The following CDS1 variants were observed in gnomAD, a reference collection of about 807,000 sequenced individuals.
The protein encoded by CDS1 is phosphatidate cytidylyltransferase 1.
A neutral mutation model predicts 62.1 loss-of-function variants in CDS1; 41 were observed. The observed-to-expected ratio is 0.66, with a 90% CI of 0.51 to 0.86. The LOEUF is 0.86. CDS1 is among the 40% of genes least tolerant of loss of function. The probability of loss-of-function intolerance (pLI) is 0.00; values close to 1 mark genes in which losing one functional copy is unlikely to be tolerated. For synonymous variants in CDS1, 185 were observed against 192.6 expected (o/e 0.96, Z 0.32); for missense variants, 470 against 550.1 (o/e 0.85, Z 1.46).
chr4:84,646,052 TGGTCTCTACTGGGG>T (rs1724549740), intron 12 of CDS1, among the ~76,000 whole-genome samples: 2 of 152,198 alleles, frequency 1.3e-5, no homozygotes, highest in South Asian at 4.1e-4. Context: ...TTATTTTCTG[TGGTCTCTACTGGGG>T]GCCCAGAAGG....
chr4:84,602,701 A>C (rs1722972997), intron 1 of CDS1, among the ~76,000 whole-genome samples: 1 of 152,218 alleles, frequency 6.6e-6, no homozygotes, highest in Non-Finnish European at 1.5e-5. Context: ...GGGAAAAGAA[A>C]AAAAAAACTG....
chr4:84,607,522 C>A (rs555578712), intron 2 of CDS1, among the ~76,000 whole-genome samples: 1 of 151,732 alleles, frequency 6.6e-6, no homozygotes, highest in African/African-American at 2.4e-5. Flanking sequence ...GGGTTTTTAC[C>A]GTGTTGCCCA....
intron 6 of CDS1, among the ~76,000 whole-genome samples, chr4:84,632,282 TTA>T (rs1724045736): frequency 6.6e-6 from 1 of 152,242 alleles, no homozygotes; most frequent in African/African-American, 2.4e-5. Context: ...AGAGCATGTA[TTA>T]TCTTGGTGGT....
intron 3 of CDS1, among the ~76,000 whole-genome samples, chr4:84,616,589 A>T (rs1029141455): frequency 6.6e-6 from 1 of 152,226 alleles, no homozygotes; most frequent in African/African-American, 2.4e-5. Flanking sequence ...AAAATATAAA[A>T]ATCCATTCTT....
intron 5 of CDS1, among the ~76,000 whole-genome samples, chr4:84,620,038 A>G (rs983691912): frequency 7.9e-5 from 12 of 151,378 alleles, no homozygotes; most frequent in East Asian, 3.9e-4. Flanking sequence ...AAAAAAAAAA[A>G]AAAGAAAGAA....
chr4:84,609,476 C>G lies in CDS1; in HGVS notation c.293C>G (p.Ser98Trp). ...IRGILTLTMI[S>W]LFFLIIYMGS... is the part of the protein sequence containing the mutation. ...GGAATTCTCACTCTAACTATGATCT[C>G]GTTGTTTTTCCTGATCATCTATATG... Residue 98 changes from serine to tryptophan, a missense_variant, in exon 3 of 13, where the codon TCG becomes TGG. Physicochemically the swap from Ser to Trp is radical, Grantham distance 177 (BLOSUM62 -3). Around this residue, in one of 5 missense-constraint regions of CDS1, gnomAD observed 150 missense variants for 142.0 expected, o/e 1.06. Transcript: ENST00000295887. The G allele has an allele frequency of 6.2e-7, 1 of 1,611,952 alleles. No individual in the cohort carries two copies. The highest frequency in any genetic ancestry group is 8.5e-7 in the Non-Finnish European group (1 of 1,178,318).
At position 84,627,644 on chromosome 4, in the gene CDS1, G is replaced by C. The variant is rs942391248; in HGVS notation, c.581-4175G>C. ...TTTTGCTTGTATTTGTGCATGCATA[G>C]CTATTTTGATTTCTTTAAAGTTCTT... On this transcript the variant is annotated intron_variant, in intron 5 of 12. Coordinates refer to ENST00000295887, the MANE Select transcript of CDS1 (RefSeq NM_001263.4). Among the ~76,000 whole-genome samples, 3 of 152,174 alleles carry C rather than the reference G, an allele frequency of 2.0e-5. No individual in the cohort carries two copies. In the East Asian group the frequency reaches 5.8e-4, roughly 29 times the overall value.
chr4:84,614,920 G>C (rs899092251), intron 3 of CDS1, among the ~76,000 whole-genome samples: 1 of 152,168 alleles, frequency 6.6e-6, no homozygotes, highest in Non-Finnish European at 1.5e-5. Flanking sequence ...GTGAGTGACA[G>C]TGGTGGCAGG....
intron 5 of CDS1, among the ~76,000 whole-genome samples, chr4:84,620,958 G>T (rs998303113): frequency 1.3e-5 from 2 of 152,198 alleles, no homozygotes; most frequent in African/African-American, 2.4e-5. Flanking sequence ...TACTTAGGAG[G>T]TTGAGGCGGG....
chr4:84,645,117 T>A (rs1724517253), intron 11 of CDS1, 105 bp from the exon 12 acceptor site: 5 of 712,906 alleles, frequency 7.0e-6, no homozygotes, highest in Middle Eastern at 2.5e-4. Context: ...CCAATAGTAA[T>A]GTATTTTCGT....
At chr4:84,643,922 C>G (rs750918574) in intron 11 of CDS1, among the ~76,000 whole-genome samples, 1 of 152,134 alleles carries the variant, frequency 6.6e-6, no homozygotes, top group Non-Finnish European at 1.5e-5. Context: ...TCAGGGAAAG[C>G]CTTTCTGAGG....
chr4:84,604,797 T>A (rs1688080853), intron 2 of CDS1, among the ~76,000 whole-genome samples: 1 of 152,218 alleles, frequency 6.6e-6, no homozygotes, highest in Non-Finnish European at 1.5e-5. Flanking sequence ...TTTCATTTTT[T>A]AAATAAGATG....
chr4:84,589,157 C>T (rs1722505290), intron 1 of CDS1, among the ~76,000 whole-genome samples: 1 of 152,182 alleles, frequency 6.6e-6, no homozygotes, highest in African/African-American at 2.4e-5. Context: ...GTACTTTTCA[C>T]CGACTTTCCC....
At chr4:84,586,576 A>G (rs1218694679) in intron 1 of CDS1, among the ~76,000 whole-genome samples, 1 of 152,168 alleles carries the variant, frequency 6.6e-6, no homozygotes, top group African/African-American at 2.4e-5. Context: ...GTGTGGCTGT[A>G]AATACAGAGG....
chr4:84,608,646 G>T (rs189734575), intron 2 of CDS1, among the ~76,000 whole-genome samples: 1 of 151,960 alleles, frequency 6.6e-6, no homozygotes, highest in Non-Finnish European at 1.5e-5. Context: ...GTTTTAGTTC[G>T]GTATTATCTT....
chr4:84,610,644 G>A (rs183613127), intron 3 of CDS1, among the ~76,000 whole-genome samples: 234 of 152,308 alleles, frequency 1.5e-3, no homozygotes, highest in African/African-American at 5.4e-3. Context: ...TATTTACAGT[G>A]AGATGCCACC....
chr4:84,606,473 A>G (rs191114579), intron 2 of CDS1, among the ~76,000 whole-genome samples: 2 of 152,158 alleles, frequency 1.3e-5, no homozygotes, highest in Non-Finnish European at 2.9e-5. Context: ...AACATTTTTA[A>G]TGTCTGTATA....
chr4:84,585,828 C>G (rs1179916311), intron 1 of CDS1, among the ~76,000 whole-genome samples: 1 of 152,132 alleles, frequency 6.6e-6, no homozygotes, highest in South Asian at 2.1e-4. Context: ...TGGAGTGGTA[C>G]TTGAAAAATG....
chr4:84,638,670 A>G (rs1170879045), intron 8 of CDS1, among the ~76,000 whole-genome samples: 2 of 152,170 alleles, frequency 1.3e-5, no homozygotes, highest in Non-Finnish European at 2.9e-5. Context: ...TAGACCATTT[A>G]ACATGAACAA....
Sources: allele counts gnomAD v4.1 joint callset (sites outside exome capture counted in the v4.1 genomes callset), GRCh38; gene constraint gnomAD v4.1.1; regional missense constraint gnomAD v4.1.1; transcripts MANE v1.5; gene names NCBI Gene and HGNC (gene_info 2026-07-23, HGNC 2026-07-21).